Variants in PIK3C2G observed in about 807,000 individuals in gnomAD.
PIK3C2G encodes phosphatidylinositol 3-kinase C2 domain-containing subunit gamma.
A neutral mutation model predicts 181.1 loss-of-function variants in PIK3C2G; 168 were observed. The ratio of observed to expected loss-of-function variants is 0.93; its 90% CI spans 0.82 to 1.05. The LOEUF is 1.05. PIK3C2G is among the 50% of genes least tolerant of loss of function. The probability of loss-of-function intolerance (pLI) is 0.00; values close to 1 mark genes in which losing one functional copy is unlikely to be tolerated. For synonymous variants in PIK3C2G, 573 were observed against 592.2 expected, an observed-to-expected ratio of 0.97 and a Z score of 0.47; for missense variants, 1,869 against 1,732.8, an observed-to-expected ratio of 1.08 and a Z score of -1.40.
chr12:18,605,494 A>G (rs1167324091), intron 30 of PIK3C2G, among the ~76,000 whole-genome samples: 1 of 152,154 alleles, frequency 6.6e-6, no homozygotes, highest in South Asian at 2.1e-4. Context: ...ACTATTCCAC[A>G]AGATAGAGAA....
chr12:18,562,207 T>C (rs903476026), intron 26 of PIK3C2G, among the ~76,000 whole-genome samples: 7 of 152,282 alleles, frequency 4.6e-5, no homozygotes, highest in East Asian at 3.9e-4. Flanking sequence ...TCTCGGCTCA[T>C]TGCAAGCTCC....
chr12:18,381,816 C>A lies in PIK3C2G; in HGVS notation c.1931C>A (p.Pro644His). The change falls in exon 14 of 33, where the codon CCT becomes CAT. Residue 644 changes from proline (P) to histidine (H), a missense_variant. By Grantham distance (77) the Pro-to-His change is moderately conservative (BLOSUM62 -2). Transcript: ENST00000538779. ...TTCAGCATGACATTACAGAGTGAGC[C>A]TCCCGTAGAAATGATAACTCCAGGA... ...MLFSMTLQSE[P>H]PVEMITPGVW... 1.9e-6 allele frequency: 3 copies of A among 1,613,808 alleles called. No homozygotes were observed. Among genetic ancestry groups the A allele is most frequent in the Non-Finnish European group, 2.5e-6 (3 of 1,179,730 alleles).
intron 20 of PIK3C2G, chr12:18,493,182 T>C (rs1471995895): frequency 1.3e-5 from 2 of 152,250 alleles, no homozygotes; most frequent in African/African-American, 2.4e-5. Flanking sequence ...CTTATAAGCA[T>C]GATGAATGTG....
chr12:18,346,621 CT>C lies in PIK3C2G; in HGVS notation c.1430-19del, dbSNP rs1323555593. On this transcript the variant is annotated intron_variant, in intron 10 of 32. Coordinates refer to ENST00000538779, the MANE Select transcript of PIK3C2G (RefSeq NM_001288772.2). ...ATATGGCCCTTCTTAGTGACTTGATCTCTATCTCTTCCTTTCTAGGCTTGAT... is the reference window on the plus strand; with the variant it reads ...ATATGGCCCTTCTTAGTGACTTGATCCTATCTCTTCCTTTCTAGGCTTGAT... The C allele has an allele frequency of 6.6e-7, 1 of 1,516,838 alleles. No homozygotes were observed. Among genetic ancestry groups the C allele is most frequent in the Non-Finnish European group, 9.1e-7 (1 of 1,104,870 alleles). 94.0% of individuals were successfully genotyped at this position (1,516,838 alleles called of 1,614,324 possible). A position where few individuals can be genotyped will look rare whatever the true frequency, so the allele number is the denominator to read the frequency against.
At chr12:18,639,125 C>T (rs1416159655) in intron 31 of PIK3C2G, among the ~76,000 whole-genome samples, 4 of 152,040 alleles carry the variant, frequency 2.6e-5, no homozygotes, top group Non-Finnish European at 5.9e-5. Context: ...TCATTCTTAA[C>T]ATATTGACAA....
chr12:18,520,159 T>G (rs1426313814), intron 24 of PIK3C2G, among the ~76,000 whole-genome samples: 1 of 152,136 alleles, frequency 6.6e-6, no homozygotes, highest in African/African-American at 2.4e-5. Flanking sequence ...ATTTTTTCCT[T>G]CATTTCAACC....
At chr12:18,562,671 C>T (rs2136334507) in intron 26 of PIK3C2G, 32 bp from the exon 27 acceptor site, 2 of 1,287,452 alleles carry the variant, frequency 1.6e-6, no homozygotes, top group Non-Finnish European at 2.2e-6. Flanking sequence ...AGAGGAGTGT[C>T]ACTCACTATC....
intron 18 of PIK3C2G, chr12:18,424,927 G>T: frequency 4.8e-6 from 1 of 206,984 alleles, no homozygotes; most frequent in South Asian, 9.3e-5. Context: ...AATTCCATAT[G>T]GCATGTCCAA....
At chr12:18,396,774 A>G (rs1172042084) in intron 15 of PIK3C2G, among the ~76,000 whole-genome samples, 1 of 151,684 alleles carries the variant, frequency 6.6e-6, no homozygotes, top group Non-Finnish European at 1.5e-5. Context: ...GGAAAATTAA[A>G]GAAAATCTAA....
chr12:18,424,095 G>T, intron 18 of PIK3C2G, 56 bp downstream of exon 18: 1 of 1,002,274 alleles, frequency 1.0e-6, no homozygotes. Flanking sequence ...TTCTCTATGG[G>T]GCAGCTTTAG....
At chr12:18,680,210 A>G in the PIK3C2G span, among the ~76,000 whole-genome samples, 1 of 152,056 alleles carries the variant, frequency 6.6e-6, no homozygotes, top group Non-Finnish European at 1.5e-5. Context: ...CAATCCCATA[A>G]GCATTTCACT....
At chr12:18,688,054 T>TA in the PIK3C2G span, 2 of 1,605,594 alleles carry the variant, frequency 1.2e-6, no homozygotes, top group African/African-American at 2.7e-5. Flanking sequence ...ACAAGAAGTC[T>TA]AATGGAAATT....
intron 16 of PIK3C2G, among the ~76,000 whole-genome samples, chr12:18,420,287 T>C (rs1945406428): frequency 1.3e-5 from 2 of 152,094 alleles, no homozygotes; most frequent in Non-Finnish European, 2.9e-5. Context: ...TCAGGATAAA[T>C]TGTCTTTGGA....
chr12:18,607,248 A>C (rs1002176516), intron 30 of PIK3C2G: 6 of 491,592 alleles, frequency 1.2e-5, no homozygotes, highest in African/African-American at 1.2e-4. Flanking sequence ...ATGAGAAACT[A>C]CTAGAAAGAA....
At chr12:18,585,141 G>A (rs1236029652) in intron 29 of PIK3C2G, among the ~76,000 whole-genome samples, 2 of 152,020 alleles carry the variant, frequency 1.3e-5, no homozygotes. Context: ...CAAACAAGCT[G>A]GCATGATAAC....
chr12:18,456,623 C>A (rs183478632), intron 18 of PIK3C2G, among the ~76,000 whole-genome samples: 27 of 152,252 alleles, frequency 1.8e-4, no homozygotes, highest in African/African-American at 4.8e-4. Flanking sequence ...TGTTCCTTTA[C>A]TGTACACTTG....
At chr12:18,258,854 C>G (rs1158694625), upstream of PIK3C2G, among the ~76,000 whole-genome samples, 2 of 152,068 alleles carry the variant, frequency 1.3e-5, no homozygotes, top group Non-Finnish European at 1.5e-5. Flanking sequence ...TGTCTAAAAG[C>G]TCTATCTTTA....
intron 1 of PIK3C2G, among the ~76,000 whole-genome samples, chr12:18,255,193 G>T (rs1948132079): frequency 1.3e-5 from 2 of 148,560 alleles, no homozygotes; most frequent in African/African-American, 4.9e-5. Flanking sequence ...TCCAGCCTGG[G>T]CAATGAGTGA....
chr12:18,592,266 G>A (rs1433030534), intron 29 of PIK3C2G, among the ~76,000 whole-genome samples: 1 of 151,812 alleles, frequency 6.6e-6, no homozygotes, highest in African/African-American at 2.4e-5. Flanking sequence ...GGGCCTAGAA[G>A]TGAGAAACAC....
Sources: allele counts gnomAD v4.1 joint callset (sites outside exome capture counted in the v4.1 genomes callset), GRCh38; gene constraint gnomAD v4.1.1; transcripts MANE v1.5; gene names NCBI Gene and HGNC (gene_info 2026-07-23, HGNC 2026-07-21).